Variants in CHRNB3 observed in about 807,000 individuals in gnomAD.
CHRNB3 encodes the protein neuronal acetylcholine receptor subunit beta-3.
A neutral mutation model predicts 40.6 loss-of-function variants in CHRNB3; 37 were observed. The observed-to-expected ratio is 0.91, with a 90% confidence interval of 0.70 to 1.20. CHRNB3 has a LOEUF of 1.20. Among genes scored for constraint, CHRNB3 ranks in the 50% most tolerant of loss-of-function variants. The pLI, the probability that CHRNB3 is intolerant of heterozygous loss-of-function variation, is 0.00. For synonymous variants in CHRNB3, 207 were observed against 207.1 expected (o/e 1.00, Z 0.00); for missense variants, 505 against 551.2 (o/e 0.92, Z 0.84).
intron 3 of CHRNB3, among the ~76,000 whole-genome samples, chr8:42,724,760 C>T (rs1816276822): frequency 1.3e-5 from 2 of 152,214 alleles, no homozygotes; most frequent in South Asian, 2.1e-4. Flanking sequence ...GGGCGGATCA[C>T]CTGAGGTCAG....
intron 1 of CHRNB3, among the ~76,000 whole-genome samples, chr8:42,700,435 C>A (rs1815770727): frequency 6.6e-6 from 1 of 152,110 alleles, no homozygotes; most frequent in Non-Finnish European, 1.5e-5. Context: ...GATTCTCCTG[C>A]CTCAGCCTCC....
chr8:42,707,927 A>G (rs1192195643), intron 1 of CHRNB3, among the ~76,000 whole-genome samples: 2 of 152,224 alleles, frequency 1.3e-5, no homozygotes, highest in Non-Finnish European at 2.9e-5. Flanking sequence ...TATAACGCCC[A>G]TTGCTCCCAT....
intron 4 of CHRNB3, among the ~76,000 whole-genome samples, chr8:42,731,343 C>CAGG (rs1220958363): frequency 3.9e-5 from 6 of 152,228 alleles, no homozygotes; most frequent in Admixed American, 2.0e-4. Flanking sequence ...TTCATGAGGT[C>CAGG]AGGAGTTCGG....
Position 42,736,467 on chromosome 8 carries a change from C to T in CHRNB3, c.1243-17C>T, listed in dbSNP as rs565954104. On this transcript the variant is annotated splice_polypyrimidine_tract_variant and intron_variant, in intron 5 of 5. Transcript: ENST00000289957. ...GCTCAGTGTCTTGAGTGAAAGGCAT[C>T]TTTTTCTCTTTTGCAGGTAGTACAA... The T allele has an allele frequency of 2.9e-5, 46 of 1,613,526 alleles. No individual in the cohort carries two copies. In the East Asian group the frequency reaches 6.9e-4, roughly 24 times the overall value.
intron 2 of CHRNB3, among the ~76,000 whole-genome samples, chr8:42,709,312 C>T (rs1402339338): frequency 1.3e-5 from 2 of 152,012 alleles, no homozygotes; most frequent in African/African-American, 4.8e-5. Context: ...TCCTGCTGTC[C>T]CTAGGCAGCC....
intron 1 of CHRNB3, among the ~76,000 whole-genome samples, chr8:42,706,478 A>G (rs1815924388): frequency 6.6e-6 from 1 of 152,148 alleles, no homozygotes; most frequent in Non-Finnish European, 1.5e-5. Context: ...CCCAAGAGAG[A>G]GAGCATCTGT....
At chr8:42,728,464 G>A (rs781613326) in intron 3 of CHRNB3, among the ~76,000 whole-genome samples, 1 of 152,002 alleles carries the variant, frequency 6.6e-6, no homozygotes, top group African/African-American at 2.4e-5. Flanking sequence ...AGGAGGTTGA[G>A]GCTGTAGTGA....
chr8:42,735,976 C>G (rs1816516920), intron 5 of CHRNB3, among the ~76,000 whole-genome samples: 1 of 152,184 alleles, frequency 6.6e-6, no homozygotes, highest in Non-Finnish European at 1.5e-5. Context: ...AGCAATTCTC[C>G]TGCCTCAGCC....
intron 4 of CHRNB3, among the ~76,000 whole-genome samples, chr8:42,731,057 AAAAT>A (rs201920356): frequency 0.96 from 133,364 of 138,862 alleles, 64,300 homozygotes; most frequent in Non-Finnish European, 0.99. Context: ...TCCGTCTCAA[AAAAT>A]AAATAAATAA....
intron 3 of CHRNB3, among the ~76,000 whole-genome samples, chr8:42,719,504 A>T (rs1586402167): frequency 6.6e-6 from 1 of 152,248 alleles, no homozygotes; most frequent in East Asian, 1.9e-4. Flanking sequence ...AAAATTAGCC[A>T]GGCATGGTGG....
rs554642052 is a variant in CHRNB3 at position 42,732,459 on chromosome 8, A to G, written c.1152A>G (p.Gly384=). 8 of 1,613,722 alleles carry G rather than the reference A, an allele frequency of 5.0e-6. No individual in the cohort carries two copies. Among genetic ancestry groups the G allele is most frequent in the Non-Finnish European group, 5.1e-6 (6 of 1,179,984 alleles). The part of the protein sequence containing the change: ...EKKKQKQLSD[G]EKVLVAFLEK... ...AGAAACAGAAACAGCTTAGTGATGG[A>G]GAAAAAGTTCTAGTTGCTTTTTTGG... The change falls in exon 5 of 6, where the codon GGA becomes GGG. Residue 384 remains glycine, a synonymous_variant. Coordinates refer to ENST00000289957, the MANE Select transcript of CHRNB3 (RefSeq NM_000749.5).
At chr8:42,699,761 G>C (rs529782289) in intron 1 of CHRNB3, among the ~76,000 whole-genome samples, 7 of 152,088 alleles carry the variant, frequency 4.6e-5, no homozygotes, top group Admixed American at 1.3e-4. Context: ...GCGAAACTCG[G>C]TCTCAAAAAA....
intron 1 of CHRNB3, among the ~76,000 whole-genome samples, chr8:42,703,458 A>ATATATATATATATATG (rs1563606411): frequency 1.6e-5 from 2 of 123,770 alleles, no homozygotes; most frequent in African/African-American, 2.6e-5. Context: ...ATATATATAT[A>ATATATATATATATATG]TATGTATCCA....
chr8:42,728,459 G>A (rs1363064594), intron 3 of CHRNB3, among the ~76,000 whole-genome samples: 1 of 152,062 alleles, frequency 6.6e-6, no homozygotes, highest in African/African-American at 2.4e-5. Flanking sequence ...AGCCCAGGAG[G>A]TTGAGGCTGT....
intron 3 of CHRNB3, among the ~76,000 whole-genome samples, chr8:42,718,961 A>G (rs1437059663): frequency 6.6e-6 from 1 of 152,126 alleles, no homozygotes. Context: ...TTTGGCTCTG[A>G]CATATCCTGT....
chr8:42,729,282 A>T (rs1195863019), intron 3 of CHRNB3, among the ~76,000 whole-genome samples: 1 of 151,884 alleles, frequency 6.6e-6, no homozygotes, highest in Admixed American at 6.6e-5. Context: ...TGGTGGCGGG[A>T]ACCTGTAGTC....
rs1291182783 is a variant in CHRNB3 at position 42,703,436 on chromosome 8, ATATTT to A, written c.53-5280_53-5276del. 6.9e-4 allele frequency among the ~76,000 whole-genome samples: 30 copies of A among 43,436 alleles called. 1 individual carries two copies. The highest frequency in any genetic ancestry group is 4.3e-3 in the South Asian group (6 of 1,380). 28.5% of individuals were successfully genotyped at this position (43,436 alleles called of 152,430 possible). ...AAGACTTCGTCTAAAAAAAAAAAAAATATTTATATATATATATATATATATGTATC... is the reference window on the plus strand; with the variant it reads ...AAGACTTCGTCTAAAAAAAAAAAAAAATATATATATATATATATATGTATC... On this transcript the variant is annotated intron_variant, in intron 1 of 5. Transcript: ENST00000289957.
At chr8:42,727,321 C>T (rs1375131912) in intron 3 of CHRNB3, among the ~76,000 whole-genome samples, 1 of 146,390 alleles carries the variant, frequency 6.8e-6, no homozygotes, top group Non-Finnish European at 1.5e-5. Flanking sequence ...TGCAGTGAGA[C>T]GAGATCCCAC....
chr8:42,731,447 C>T (rs1816416245), intron 4 of CHRNB3, among the ~76,000 whole-genome samples: 1 of 152,080 alleles, frequency 6.6e-6, no homozygotes, highest in Admixed American at 6.6e-5. Flanking sequence ...CCCAGCTACT[C>T]AGGAGGCTGA....
Sources: gnomAD v4.1 joint callset for allele counts (sites outside exome capture counted in the v4.1 genomes callset) on GRCh38, gnomAD v4.1.1 for gene constraint, MANE v1.5 for transcripts, NCBI Gene and HGNC (gene_info 2026-07-23, HGNC 2026-07-21) for gene names.